The following TP53I11 variants were observed in gnomAD, a reference collection of about 807,000 sequenced individuals.
TP53I11 encodes tumor protein p53-inducible protein 11.
A neutral mutation model predicts 23.3 loss-of-function variants in TP53I11; 9 were observed. The observed-to-expected ratio is 0.39, with a 90% confidence interval of 0.23 to 0.67. The LOEUF is 0.67. Ranked by LOEUF, TP53I11 falls within the 30% of genes least tolerant of loss-of-function variation. TP53I11 has a pLI of 0.48. For missense variants in TP53I11, 170 were observed against 255.2 expected (o/e 0.67, Z 2.27); for synonymous variants, 100 against 106.1 (o/e 0.94, Z 0.35).
rs111558954 is a variant in TP53I11 at position 44,936,046 on chromosome 11, T to C, written c.335-384A>G. 8.4e-4 allele frequency: 223 copies of C among 266,288 alleles called. 1 individual carries two copies. Among genetic ancestry groups the C allele is most frequent in the African/African-American group, 4.7e-3 (211 of 44,760 alleles). The allele number at this position is 266,288 out of a possible 1,614,324, so 16.5% of individuals were successfully genotyped here. A position where few individuals can be genotyped will look rare whatever the true frequency, so the allele number is the denominator to read the frequency against. On this transcript the variant is annotated intron_variant, in intron 5 of 6. Coordinates refer to ENST00000525680, the MANE Select transcript of TP53I11 (RefSeq NM_006034.5). The surrounding 1 kb of genome is among the most constrained non-coding windows in gnomAD (Gnocchi z 4.4). ...GTTAATGGGTTACCTGGTCCTATGA[T>C]TGGGTTTTCTTTTACACGGACTCCC...
At chr11:44,937,136 G>T in intron 4 of TP53I11, 168 bp downstream of exon 4, 2 of 874,588 alleles carry the variant, frequency 2.3e-6, no homozygotes, top group Non-Finnish European at 3.6e-6. Flanking sequence ...TCCTGGAGAA[G>T]GCACAGGCGT....
At chr11:44,946,907 G>T (rs1862440177) in intron 1 of TP53I11, 1 of 413,988 alleles carries the variant, frequency 2.4e-6, no homozygotes, top group Non-Finnish European at 4.9e-6. Context: ...CCTCAGCCTG[G>T]ACTGGCACAC....
Position 44,936,667 on chromosome 11 carries a change from A to C in TP53I11, c.334+136T>G. ...CATCCCCAGCAGAGAGCTTCATCAG[A>C]GGCCGGGGTGTGGGCGCAGCATCTG... On this transcript the variant is annotated intron_variant, in intron 5 of 6. Coordinates refer to ENST00000525680, the MANE Select transcript of TP53I11 (RefSeq NM_006034.5). The surrounding 1 kb of genome is among the most constrained non-coding windows in gnomAD (Gnocchi z 4.4). The C allele has an allele frequency of 7.3e-7, 1 of 1,369,830 alleles. No homozygotes were observed. Among genetic ancestry groups the C allele is most frequent in the Non-Finnish European group, 9.4e-7 (1 of 1,059,362 alleles). The allele number at this position is 1,369,830 out of a possible 1,614,324, so 84.9% of individuals were successfully genotyped here.
chr11:44,939,475 A>T (rs893013980), intron 1 of TP53I11, among the ~76,000 whole-genome samples: 10 of 152,196 alleles, frequency 6.6e-5, no homozygotes, highest in African/African-American at 1.9e-4. Flanking sequence ...GTCAGAAGCC[A>T]CTGGGCCCTC....
chr11:44,942,750 G>A (rs1862013378), intron 1 of TP53I11, among the ~76,000 whole-genome samples: 1 of 152,112 alleles, frequency 6.6e-6, no homozygotes, highest in African/African-American at 2.4e-5. Flanking sequence ...ATGGAATCTT[G>A]ACCTCCAGGG....
intron 1 of TP53I11, among the ~76,000 whole-genome samples, chr11:44,943,732 T>C (rs1379157843): frequency 1.3e-5 from 2 of 152,310 alleles, no homozygotes; most frequent in East Asian, 3.9e-4. Flanking sequence ...TGGCCACTTA[T>C]AGCCTCTACT....
intron 1 of TP53I11, among the ~76,000 whole-genome samples, chr11:44,949,023 T>C (rs565701787): frequency 8.5e-5 from 13 of 152,312 alleles, no homozygotes; most frequent in African/African-American, 2.6e-4. Context: ...CGGAGGAAGT[T>C]GACGACATGT....
chr11:44,945,382 G>A (rs991867979), intron 1 of TP53I11, among the ~76,000 whole-genome samples: 2 of 152,150 alleles, frequency 1.3e-5, no homozygotes, highest in African/African-American at 2.4e-5. Flanking sequence ...TGACTTATTC[G>A]AGTGTCCCTT....
In TP53I11 at chr11:44,935,047, G is replaced by A. The variant is rs777194648; in HGVS notation, c.437-30C>T. 1.7e-5 allele frequency: 27 copies of A among 1,611,660 alleles called. No homozygotes were observed. In the Admixed American group the frequency reaches 2.2e-4, roughly 13 times the overall value. On this transcript the variant is annotated intron_variant, in intron 6 of 6. Coordinates refer to ENST00000525680, the MANE Select transcript of TP53I11 (RefSeq NM_006034.5). Reference sequence around the variant, plus strand: ...GGGAGAGAGTCCAGCAAGGCCACAGGGTCAGAGGAGGGGATGTGTCCCAGC... The same window carrying A: ...GGGAGAGAGTCCAGCAAGGCCACAGAGTCAGAGGAGGGGATGTGTCCCAGC...
chr11:44,936,833 G>T lies in TP53I11; in HGVS notation c.304C>A (p.Pro102Thr). 1.9e-6 allele frequency: 3 copies of T among 1,608,598 alleles called. No individual in the cohort carries two copies. Among genetic ancestry groups the T allele is most frequent in the Non-Finnish European group, 2.5e-6 (3 of 1,178,154 alleles). ...AGGGCACCGCCGTAGAGGCGGATGG[G>T]GGTCTTGCTGGTCACCTGGGCTCCA... Reference protein sequence around the residue: ...FDGAQVTSKTPIRLYGGALLS... With the variant: ...FDGAQVTSKTTIRLYGGALLS... The change falls in exon 5 of 7, where the codon CCC (proline) becomes ACC (threonine). Residue 102 changes from proline (P) to threonine (T), a missense_variant. Physicochemically the swap from Pro to Thr is conservative, Grantham distance 38 (BLOSUM62 -1). Transcript: ENST00000525680. The surrounding 1 kb of genome is among the most constrained non-coding windows in gnomAD (Gnocchi z 4.4).
chr11:44,939,512 C>A (rs760679856), intron 1 of TP53I11, among the ~76,000 whole-genome samples: 1 of 152,224 alleles, frequency 6.6e-6, no homozygotes, highest in Non-Finnish European at 1.5e-5. Context: ...TGTCTCAGTG[C>A]CCTGTGGCCC....
At chr11:44,947,928 A>T (rs1299868916) in intron 1 of TP53I11, among the ~76,000 whole-genome samples, 1 of 152,206 alleles carries the variant, frequency 6.6e-6, no homozygotes, top group Admixed American at 6.5e-5. Flanking sequence ...AGAAGACTCT[A>T]CTTCCTTGCC....
chr11:44,938,644 T>C (rs10769102), intron 1 of TP53I11, among the ~76,000 whole-genome samples: 110,274 of 152,080 alleles, frequency 0.73, 41,978 homozygotes, highest in South Asian at 0.83. Flanking sequence ...CCTGGAGGCA[T>C]AGGGCCCAGG....
chr11:44,935,687 C>CGGGGGGGGGGG, intron 5 of TP53I11, 25 bp from the exon 6 acceptor site: 6 of 569,784 alleles, frequency 1.1e-5, no homozygotes, highest in Non-Finnish European at 1.3e-5. Context: ...GAAAAGGGGG[C>CGGGGGGGGGGG]TGGGGGTGGG....
At chr11:44,941,982 A>AC (rs1861800382) in intron 1 of TP53I11, among the ~76,000 whole-genome samples, 1 of 8,048 alleles carries the variant, frequency 1.2e-4, no homozygotes, top group Non-Finnish European at 2.8e-4. Flanking sequence ...CAGTACACAC[A>AC]CACACACACC....
At chr11:44,937,850 C>A (rs1861329830) in intron 2 of TP53I11, among the ~76,000 whole-genome samples, 1 of 152,218 alleles carries the variant, frequency 6.6e-6, no homozygotes, top group African/African-American at 2.4e-5. Context: ...CAGGGCTCTG[C>A]CAAATGCAGA....
At position 44,936,671 on chromosome 11, in the gene TP53I11, C is replaced by T. The variant is rs1861148296; in HGVS notation, c.334+132G>A. The T allele has an allele frequency of 7.3e-7, 1 of 1,370,230 alleles. No individual in the cohort carries two copies. Among genetic ancestry groups the T allele is most frequent in the Non-Finnish European group, 9.4e-7 (1 of 1,059,206 alleles). The allele number at this position is 1,370,230 out of a possible 1,614,324, so 84.9% of individuals were successfully genotyped here. A position where few individuals can be genotyped will look rare whatever the true frequency, so the allele number is the denominator to read the frequency against. On this transcript the variant is annotated intron_variant, in intron 5 of 6. Coordinates refer to ENST00000525680, the MANE Select transcript of TP53I11 (RefSeq NM_006034.5). This position sits in a 1 kb window ranked among gnomAD's most constrained non-coding sequence, Gnocchi z 4.4. The stretch of plus-strand genomic sequence containing the variant: ...CCCAGCAGAGAGCTTCATCAGAGGC[C>T]GGGGTGTGGGCGCAGCATCTGGCCG...
At position 44,936,172 on chromosome 11, in the gene TP53I11, T is replaced by G; in HGVS notation, c.335-510A>C. 1 of 993,302 alleles carries G rather than the reference T, an allele frequency of 1.0e-6. No individual in the cohort carries two copies. The highest frequency in any genetic ancestry group is 1.2e-6 in the Non-Finnish European group (1 of 830,954). 61.5% of individuals were successfully genotyped at this position (993,302 alleles called of 1,614,324 possible). A position where few individuals can be genotyped will look rare whatever the true frequency, so the allele number is the denominator to read the frequency against. On this transcript the variant is annotated intron_variant, in intron 5 of 6. Transcript: ENST00000525680. This position sits in a 1 kb window ranked among gnomAD's most constrained non-coding sequence, Gnocchi z 4.4. ...AGCAGAAGACCACTGACTTGGCCTC[T>G]AGCAGGCCCCGCCCACCCAGTGTCT...
chr11:44,934,773 AGGACTG>A lies in TP53I11; in HGVS notation c.*105_*110del. 6.9e-7 allele frequency: 1 copy of A among 1,454,470 alleles called. No homozygotes were observed. 90.1% of individuals were successfully genotyped at this position (1,454,470 alleles called of 1,614,324 possible). ...CCCCCACCCCCTGCCTCCCTGGGGC[AGGACTG>A]GGGCAGGGCAGGGGACCCTCCTGCC... On this transcript the variant is annotated 3_prime_UTR_variant, in exon 7 of 7. Coordinates refer to ENST00000525680, the MANE Select transcript of TP53I11 (RefSeq NM_006034.5).
Sources: gnomAD v4.1 joint callset for allele counts (sites outside exome capture counted in the v4.1 genomes callset) on GRCh38, gnomAD v4.1.1 for gene constraint, Gnocchi (gnomAD v3.1) non-coding constraint, MANE v1.5 for transcripts, NCBI Gene and HGNC (gene_info 2026-07-23, HGNC 2026-07-21) for gene names.